Variants in GLRA3 observed in about 807,000 individuals in gnomAD.
GLRA3 encodes the protein glycine receptor subunit alpha-3.
A neutral mutation model predicts 60.4 loss-of-function variants in GLRA3; 44 were observed. That is an observed-to-expected ratio of 0.73 (90% CI 0.57 to 0.94). GLRA3 has a LOEUF of 0.94. Ranked by LOEUF, GLRA3 falls within the 40% of genes least tolerant of loss-of-function variation. GLRA3 has a pLI of 0.00. For missense variants in GLRA3, 508 were observed against 564.6 expected, an observed-to-expected ratio of 0.90 and a Z score of 1.02; for synonymous variants, 223 against 192.9, an observed-to-expected ratio of 1.16 and a Z score of -1.29.
chr4:174,718,752 T>G (rs917062517), intron 4 of GLRA3, among the ~76,000 whole-genome samples: 1 of 152,154 alleles, frequency 6.6e-6, no homozygotes, highest in South Asian at 2.1e-4. Flanking sequence ...TATTAGACAA[T>G]GTTTACTGTG....
At chr4:174,656,571 T>G (rs1733214273) in intron 9 of GLRA3, among the ~76,000 whole-genome samples, 172 bp downstream of exon 9, 1 of 152,070 alleles carries the variant, frequency 6.6e-6, no homozygotes, top group Non-Finnish European at 1.5e-5. Flanking sequence ...GAATAAAGTT[T>G]TTAGAAAAAG....
chr4:174,820,527 A>G (rs1323194791), intron 1 of GLRA3, among the ~76,000 whole-genome samples: 3 of 152,180 alleles, frequency 2.0e-5, no homozygotes, highest in Admixed American at 1.3e-4. Context: ...CAGTGGCAAC[A>G]GCGCTGGGAT....
chr4:174,734,998 AT>A (rs1439816517), intron 3 of GLRA3, among the ~76,000 whole-genome samples: 1 of 152,146 alleles, frequency 6.6e-6, no homozygotes, highest in African/African-American at 2.4e-5. Context: ...AAAAATAGTA[AT>A]TTTTGTTGCT....
At chr4:174,649,304 G>A (rs1046773622) in intron 9 of GLRA3, among the ~76,000 whole-genome samples, 10 of 152,170 alleles carry the variant, frequency 6.6e-5, no homozygotes, top group Admixed American at 5.2e-4. Context: ...ATCAGCTATA[G>A]TAGCAGGTAT....
At chr4:174,826,352 A>G (rs543508051) in intron 1 of GLRA3, among the ~76,000 whole-genome samples, 56 of 152,314 alleles carry the variant, frequency 3.7e-4, no homozygotes, top group Non-Finnish European at 6.5e-4. Flanking sequence ...AAAGTTCTAA[A>G]ATGGAAAAGA....
At chr4:174,767,127 C>CAA (rs1358756957) in intron 2 of GLRA3, 97 bp from the exon 3 acceptor site, 4 of 151,600 alleles carry the variant, frequency 2.6e-5, no homozygotes, top group Middle Eastern at 8.5e-4. Flanking sequence ...CCATTTTACA[C>CAA]ACACACACAC....
chr4:174,683,164 T>G (rs1734420795), intron 5 of GLRA3, among the ~76,000 whole-genome samples: 1 of 152,288 alleles, frequency 6.6e-6, no homozygotes, highest in South Asian at 2.1e-4. Context: ...AATGGACTCA[T>G]TAAAAGTATA....
intron 5 of GLRA3, among the ~76,000 whole-genome samples, chr4:174,700,549 C>A (rs1289156063): frequency 6.6e-6 from 1 of 152,122 alleles, no homozygotes; most frequent in African/African-American, 2.4e-5. Flanking sequence ...GGAAAAGCAA[C>A]ACATCTCTCA....
At chr4:174,732,140 A>G (rs900321250) in intron 3 of GLRA3, among the ~76,000 whole-genome samples, 2 of 152,208 alleles carry the variant, frequency 1.3e-5, no homozygotes, top group African/African-American at 4.8e-5. Flanking sequence ...GCGGATCACG[A>G]GGTCAAGAGA....
intron 6 of GLRA3, 30 bp from the exon 7 acceptor site, chr4:174,677,322 T>C: frequency 8.2e-7 from 1 of 1,225,098 alleles, no homozygotes; most frequent in South Asian, 1.2e-5. Context: ...ATACAGCAAT[T>C]AGTACAAATA....
chr4:174,693,490 G>T lies in GLRA3; in HGVS notation c.575-10551C>A, dbSNP rs140010611. Among the ~76,000 whole-genome samples the T allele has an allele frequency of 5.4e-3, 828 of 151,994 alleles. 6 individuals carry two copies. The highest frequency in any genetic ancestry group is 0.019 in the African/African-American group (777 of 41,410). ...TGTAGATGTTTCATCTTCTTTCTGG[G>T]CTCTCTATTCTGTTCAGTTGGTCTA... On this transcript the variant is annotated intron_variant, in intron 5 of 9. Transcript: ENST00000274093.
chr4:174,751,050 C>CCTCT (rs911335296), intron 3 of GLRA3, among the ~76,000 whole-genome samples: 4 of 147,670 alleles, frequency 2.7e-5, no homozygotes, highest in African/African-American at 1.0e-4. Context: ...AAAAGAGAAG[C>CCTCT]CTGTCTGTCT....
intron 1 of GLRA3, among the ~76,000 whole-genome samples, chr4:174,819,391 G>C (rs1740642802): frequency 6.6e-6 from 1 of 152,082 alleles, no homozygotes; most frequent in Non-Finnish European, 1.5e-5. Context: ...AAACTTGAGG[G>C]CCCATGTGGA....
intron 9 of GLRA3, among the ~76,000 whole-genome samples, chr4:174,649,617 G>C (rs1249577606): frequency 6.6e-6 from 1 of 152,114 alleles, no homozygotes; most frequent in Non-Finnish European, 1.5e-5. Context: ...CTCTAGAATA[G>C]CCTGTCTGGC....
intron 5 of GLRA3, among the ~76,000 whole-genome samples, chr4:174,691,309 T>C (rs1486903229): frequency 6.6e-6 from 1 of 152,206 alleles, no homozygotes; most frequent in East Asian, 1.9e-4. Flanking sequence ...TTGAACTTTT[T>C]TTCATAAGAA....
At chr4:174,765,940 C>T (rs76817905) in intron 3 of GLRA3, among the ~76,000 whole-genome samples, 46,542 of 145,076 alleles carry the variant, frequency 0.32, 7,378 homozygotes, top group East Asian at 0.51. Context: ...ATGAGGGAAA[C>T]AGCTTTTTTT....
rs556116096 is a variant in GLRA3 at position 174,699,262 on chromosome 4, A to G, written c.574+16226T>C. On this transcript the variant is annotated intron_variant, in intron 5 of 9. Transcript: ENST00000274093. The stretch of plus-strand genomic sequence containing the variant: ...GGTCATCAACCCGTCTCAGCCTCCC[A>G]AAGTGCTGGGATTACAAGCATGAGC... 8.1e-4 allele frequency among the ~76,000 whole-genome samples: 123 copies of G among 152,298 alleles called. 3 individuals carry two copies. The South Asian group carries it at 0.025, about 31-fold the overall frequency.
At chr4:174,808,272 C>T (rs576794959) in intron 1 of GLRA3, among the ~76,000 whole-genome samples, 2 of 152,126 alleles carry the variant, frequency 1.3e-5, no homozygotes, top group East Asian at 3.9e-4. Context: ...GACATTTTGG[C>T]CAATGTCAGA....
intron 3 of GLRA3, among the ~76,000 whole-genome samples, chr4:174,760,771 C>T (rs1414194146): frequency 6.6e-6 from 1 of 151,962 alleles, no homozygotes; most frequent in Non-Finnish European, 1.5e-5. Context: ...CCGCCCTATG[C>T]AATGATTTTC....
Sources: gnomAD v4.1 joint callset for allele counts (sites outside exome capture counted in the v4.1 genomes callset) on GRCh38, gnomAD v4.1.1 for gene constraint, MANE v1.5 for transcripts, NCBI Gene and HGNC (gene_info 2026-07-23, HGNC 2026-07-21) for gene names.